PIEZO2: variants seen among roughly 807,000 people sequenced by gnomAD.
PIEZO2 encodes the protein piezo type mechanosensitive ion channel component 2.
PIEZO2 carries 172 observed loss-of-function variants against 337.3 expected under a neutral mutation model. The ratio of observed to expected loss-of-function variants is 0.51; its 90% CI spans 0.45 to 0.58. The LOEUF (loss-of-function observed/expected upper bound fraction) is 0.58, where lower values mean the gene tolerates loss of function less well. Among genes scored for constraint, PIEZO2 ranks in the 20% least tolerant of loss-of-function variants. The probability of loss-of-function intolerance (pLI) is 0.00; values close to 1 mark genes in which losing one functional copy is unlikely to be tolerated. For missense variants in PIEZO2, 3,028 were observed against 3,391.3 expected, an observed-to-expected ratio of 0.89 and a Z score of 2.66; for synonymous variants, 1,251 against 1,228.5, an observed-to-expected ratio of 1.02 and a Z score of -0.38.
intron 1 of PIEZO2, among the ~76,000 whole-genome samples, chr18:11,095,761 G>T (rs1053350292): frequency 1.3e-5 from 2 of 152,132 alleles, no homozygotes; most frequent in African/African-American, 2.4e-5. Flanking sequence ...GACTTCAACC[G>T]ATTTGGAAGC....
intron 2 of PIEZO2, among the ~76,000 whole-genome samples, chr18:11,063,033 G>C (rs908997535): frequency 1.3e-5 from 2 of 152,012 alleles, no homozygotes; most frequent in Admixed American, 6.6e-5. Flanking sequence ...ATGATAGACT[G>C]GATTAAGAAA....
At chr18:11,087,236 T>C (rs767172420) in intron 1 of PIEZO2, among the ~76,000 whole-genome samples, 1 of 152,134 alleles carries the variant, frequency 6.6e-6, no homozygotes, top group Non-Finnish European at 1.5e-5. Context: ...GAGAAATAAA[T>C]GTCTGTTGTT....
chr18:10,822,934 T>G (rs1260011917), intron 7 of PIEZO2, among the ~76,000 whole-genome samples: 1 of 152,196 alleles, frequency 6.6e-6, no homozygotes, highest in Non-Finnish European at 1.5e-5. Context: ...GGAACTCAGC[T>G]AGATTGAAGT....
Position 10,682,157 on chromosome 18 carries a change from C to A in PIEZO2, c.7633G>T (p.Val2545Phe). ...FMSLIKSVAG[V>F]INQPLDVSVT... ...GAGACGTCCAGGGGCTGGTTGATGA[C>A]CCCAGCCACAGATTTGATCAAAGAC... The change falls in exon 50 of 56, where the codon GTC (valine) becomes TTC (phenylalanine). Residue 2545 changes from valine (V) to phenylalanine (F), a missense_variant. This residue lies in a region of PIEZO2 where 179 missense variants were observed against 281.8 expected (regional missense o/e 0.64). Transcript: ENST00000674853. This position sits in a 1 kb window ranked among gnomAD's most constrained non-coding sequence, Gnocchi z 5.6. 6.5e-7 allele frequency: 1 copy of A among 1,537,150 alleles called. No homozygotes were observed. Among genetic ancestry groups the A allele is most frequent in the East Asian group, 2.4e-5 (1 of 40,914 alleles).
chr18:10,684,603 T>C (rs2034463163), intron 49 of PIEZO2, among the ~76,000 whole-genome samples: 2 of 152,012 alleles, frequency 1.3e-5, no homozygotes, highest in African/African-American at 2.4e-5. Context: ...TAGCTGGGAC[T>C]ACAGGCACAC....
chr18:10,941,256 C>T (rs985901159), intron 3 of PIEZO2, among the ~76,000 whole-genome samples: 1 of 152,096 alleles, frequency 6.6e-6, no homozygotes, highest in Non-Finnish European at 1.5e-5. Flanking sequence ...AGGACAAAAA[C>T]TAAGTTAATA....
At position 11,003,344 on chromosome 18, in the gene PIEZO2, C is replaced by A. The variant is rs937904668; in HGVS notation, c.161-23684G>T. Among the ~76,000 whole-genome samples, 2 of 152,106 alleles carry A rather than the reference C, an allele frequency of 1.3e-5. No individual in the cohort carries two copies. The highest frequency in any genetic ancestry group is 2.4e-5 in the African/African-American group (1 of 41,406). On this transcript the variant is annotated intron_variant, in intron 2 of 55. Coordinates refer to ENST00000674853, the MANE Select transcript of PIEZO2 (RefSeq NM_001378183.1). This position sits in a 1 kb window ranked among gnomAD's most constrained non-coding sequence, Gnocchi z 4.6. ...ATCATCAGTAGGCTCCTGGAAACTG[C>A]GGCTTTAAGCAAAACGATGTATAGC...
In PIEZO2 at chr18:10,716,262, C is replaced by T. The variant is rs540172905; in HGVS notation, c.5090-446G>A. ...AAACCAACCCCTCTTCTTCCTCCTC[C>T]TCCTCAACCCACTCAAGGGAAGGAC... On this transcript the variant is annotated intron_variant, in intron 37 of 55. Coordinates refer to ENST00000674853, the MANE Select transcript of PIEZO2 (RefSeq NM_001378183.1). The surrounding 1 kb of genome is among the most constrained non-coding windows in gnomAD (Gnocchi z 4.1). Among the ~76,000 whole-genome samples, 1 of 152,210 alleles carries T rather than the reference C, an allele frequency of 6.6e-6. No homozygotes were observed. Among genetic ancestry groups the T allele is most frequent in the Non-Finnish European group, 1.5e-5 (1 of 68,048 alleles).
At chr18:10,732,112 G>A (rs546695897) in intron 35 of PIEZO2, among the ~76,000 whole-genome samples, 1 of 152,178 alleles carries the variant, frequency 6.6e-6, no homozygotes, top group South Asian at 2.1e-4. Flanking sequence ...GGGGCTTTTG[G>A]TTGCCTTTTG....
chr18:10,998,587 A>G (rs1357949383), intron 2 of PIEZO2, among the ~76,000 whole-genome samples: 1 of 152,126 alleles, frequency 6.6e-6, no homozygotes, highest in Non-Finnish European at 1.5e-5. Context: ...ATAAATATCC[A>G]CTCATAACTC....
At chr18:11,081,578 C>T (rs925311839) in intron 1 of PIEZO2, among the ~76,000 whole-genome samples, 1 of 152,158 alleles carries the variant, frequency 6.6e-6, no homozygotes, top group African/African-American at 2.4e-5. Context: ...CTGAGCCATC[C>T]TGGGGCCACT....
Position 10,752,745 on chromosome 18 carries a change from A to G in PIEZO2, c.4058T>C (p.Leu1353Pro). ...CAACAGCAAATCGCCCCCAAAGAGC[A>G]GGAAGTAGAAACAGGCCACCAGGTA... ...MGYLVACFYF[L>P]LFGGDLLLKP... The change falls in exon 28 of 56, where the codon CTG becomes CCG. Residue 1353 changes from leucine to proline, a missense_variant. Coordinates refer to ENST00000674853, the MANE Select transcript of PIEZO2 (RefSeq NM_001378183.1). 1 of 1,537,282 alleles carries G rather than the reference A, an allele frequency of 6.5e-7. No homozygotes were observed. The highest frequency in any genetic ancestry group is 8.7e-7 in the Non-Finnish European group (1 of 1,146,912).
At chr18:10,974,555 G>A (rs749084357) in intron 3 of PIEZO2, among the ~76,000 whole-genome samples, 14 of 152,290 alleles carry the variant, frequency 9.2e-5, no homozygotes, top group Admixed American at 3.9e-4. Flanking sequence ...AAAGTCCTAG[G>A]AGCCACAGTG....
Position 10,748,143 on chromosome 18 carries a change from C to G in PIEZO2, c.4424+328G>C, listed in dbSNP as rs1402229917. Among the ~76,000 whole-genome samples, 1 of 152,064 alleles carries G rather than the reference C, an allele frequency of 6.6e-6. No homozygotes were observed. Among genetic ancestry groups the G allele is most frequent in the Non-Finnish European group, 1.5e-5 (1 of 68,004 alleles). On this transcript the variant is annotated intron_variant, in intron 30 of 55. Transcript: ENST00000674853. The surrounding 1 kb of genome is among the most constrained non-coding windows in gnomAD (Gnocchi z 5.1). ...GTGTAAGATGGACTAAACTCCAGACCAACGTGGCATATGTTGCTGTTTTGT... is the reference window on the plus strand; with the variant it reads ...GTGTAAGATGGACTAAACTCCAGACGAACGTGGCATATGTTGCTGTTTTGT...
Position 10,846,801 on chromosome 18 carries a change from GATTTCCAGCAAAGGAAAC to G in PIEZO2, c.917+8534_917+8551del, listed in dbSNP as rs1251921637. 6.6e-6 allele frequency among the ~76,000 whole-genome samples: 1 copy of G among 152,198 alleles called. No homozygotes were observed. Among genetic ancestry groups the G allele is most frequent in the Non-Finnish European group, 1.5e-5 (1 of 68,044 alleles). On this transcript the variant is annotated intron_variant, in intron 7 of 55. Coordinates refer to ENST00000674853, the MANE Select transcript of PIEZO2 (RefSeq NM_001378183.1). The surrounding 1 kb of genome is among the most constrained non-coding windows in gnomAD (Gnocchi z 4.1). ...GAGCCAGTGAGAGCAGTGAGCAGGA[GATTTCCAGCAAAGGAAAC>G]AGTATAAGGGATGGAATTGCTTTAT...
rs577600633 is a variant in PIEZO2 at position 10,850,205 on chromosome 18, T to G, written c.917+5148A>C. Among the ~76,000 whole-genome samples the G allele has an allele frequency of 6.6e-6, 1 of 152,166 alleles. No individual in the cohort carries two copies. The highest frequency in any genetic ancestry group is 1.5e-5 in the Non-Finnish European group (1 of 68,022). On this transcript the variant is annotated intron_variant, in intron 7 of 55. Transcript: ENST00000674853. The surrounding 1 kb of genome is among the most constrained non-coding windows in gnomAD (Gnocchi z 4.5). ...AAAGTAATGCAAAAACTCAACCACA[T>G]GTGCAGATGAAACTGGAAGGAAGCA...
intron 47 of PIEZO2, among the ~76,000 whole-genome samples, chr18:10,694,624 C>T (rs1041134596): frequency 6.6e-6 from 1 of 152,072 alleles, no homozygotes; most frequent in Non-Finnish European, 1.5e-5. Context: ...TGAGTCCAGG[C>T]CTCTGAGACC....
At chr18:10,978,950 T>C (rs1257777239) in intron 3 of PIEZO2, among the ~76,000 whole-genome samples, 1 of 152,158 alleles carries the variant, frequency 6.6e-6, no homozygotes, top group African/African-American at 2.4e-5. Flanking sequence ...AGATAAAACA[T>C]GTATACTGAC....
Position 10,724,897 on chromosome 18 carries a change from C to A in PIEZO2, c.5029+6510G>T. On this transcript the variant is annotated intron_variant, in intron 36 of 55. Coordinates refer to ENST00000674853, the MANE Select transcript of PIEZO2 (RefSeq NM_001378183.1). The surrounding 1 kb of genome is among the most constrained non-coding windows in gnomAD (Gnocchi z 5.8). ...TGTAAATAGTACTGGCCGGCGGGGG[C>A]GTGGCACCCTGGGACAGCCTCCACC... 6.2e-7 allele frequency: 1 copy of A among 1,609,022 alleles called. No individual in the cohort carries two copies. The highest frequency in any genetic ancestry group is 8.5e-7 in the Non-Finnish European group (1 of 1,178,106).
Sources: allele counts gnomAD v4.1 joint callset (sites outside exome capture counted in the v4.1 genomes callset), GRCh38; gene constraint gnomAD v4.1.1; regional missense constraint gnomAD v4.1.1; non-coding constraint Gnocchi (gnomAD v3.1); transcripts MANE v1.5; gene names NCBI Gene and HGNC (gene_info 2026-07-23, HGNC 2026-07-21).